The following GLS variants were observed in gnomAD, a reference collection of about 807,000 sequenced individuals.
The protein encoded by GLS is glutaminase kidney isoform, mitochondrial.
In GLS, 36 loss-of-function variants were observed where a neutral mutation model predicts 86.7. The observed-to-expected ratio is 0.42, with a 90% confidence interval of 0.32 to 0.55. The LOEUF is 0.55. Ranked by LOEUF, GLS falls within the 20% of genes least tolerant of loss-of-function variation. The probability of loss-of-function intolerance (pLI) is 0.17; values close to 1 mark genes in which losing one functional copy is unlikely to be tolerated. For synonymous variants in GLS, 317 were observed against 305.9 expected (o/e 1.04, Z -0.38); for missense variants, 528 against 833.4 (o/e 0.63, Z 4.51).
intron 5 of GLS, among the ~76,000 whole-genome samples, chr2:190,904,521 C>G (rs529950673): frequency 3.3e-5 from 5 of 152,150 alleles, no homozygotes; most frequent in Admixed American, 3.3e-4. Context: ...AATTCTGTAT[C>G]CATGGGGTCT....
chr2:190,880,914 AG>A lies in GLS; in HGVS notation c.-170del, dbSNP rs1559309604. ...CAGCAGCAGCAGCAGCAGCAGCAGC[AG>A]CAGCACCCGCATCCGCTGCGGGAGT... is the stretch of plus-strand genomic sequence containing the variant. On this transcript the variant is annotated 5_prime_UTR_variant, in exon 1 of 18. Coordinates refer to ENST00000320717, the MANE Select transcript of GLS (RefSeq NM_014905.5). 70 of 938,184 alleles carry A rather than the reference AG, an allele frequency of 7.5e-5. 1 individual carries two copies. In the South Asian group the frequency reaches 8.0e-4, roughly 11 times the overall value. The allele number at this position is 938,184 out of a possible 1,614,324, so 58.1% of individuals were successfully genotyped here.
In GLS at chr2:190,895,237, A is replaced by G; in HGVS notation, c.472A>G (p.Lys158Glu). The change falls in exon 2 of 18, where the codon AAA becomes GAA. Residue 158 changes from lysine (K) to glutamate (E), a missense_variant. Coordinates refer to ENST00000320717, the MANE Select transcript of GLS (RefSeq NM_014905.5). The surrounding 1 kb of genome is among the most constrained non-coding windows in gnomAD (Gnocchi z 4.2). ...AGGACAAGAGAAAATACCTGTTCAT[A>G]AATTTATTACAGTAAGTTTTTATAT... Reference protein sequence around the residue: ...AEGQEKIPVHKFITALKSTGL... With the variant: ...AEGQEKIPVHEFITALKSTGL... The G allele has an allele frequency of 7.5e-7, 1 of 1,336,366 alleles. No individual in the cohort carries two copies. Among genetic ancestry groups the G allele is most frequent in the Non-Finnish European group, 1.1e-6 (1 of 933,074 alleles). 82.8% of individuals were successfully genotyped at this position (1,336,366 alleles called of 1,614,324 possible).
intron 5 of GLS, among the ~76,000 whole-genome samples, chr2:190,904,772 G>A (rs1373536853): frequency 2.6e-5 from 4 of 152,076 alleles, no homozygotes; most frequent in Admixed American, 2.6e-4. Flanking sequence ...TGTATATAAG[G>A]GACTTGAGTG....
intron 14 of GLS, chr2:190,934,870 G>C: frequency 1.0e-6 from 1 of 980,032 alleles, no homozygotes; most frequent in Non-Finnish European, 1.2e-6. Flanking sequence ...AACGGAAGAA[G>C]AGATAAGATA....
chr2:190,927,146 G>A (rs963731222), intron 11 of GLS, 160 bp from the exon 12 acceptor site: 105 of 615,404 alleles, frequency 1.7e-4, no homozygotes, highest in Admixed American at 2.2e-4. Context: ...TAGGACTTCG[G>A]TCAACTAAAA....
chr2:190,895,512 T>G lies in GLS; in HGVS notation c.484-92T>G. 1.1e-6 allele frequency: 1 copy of G among 898,500 alleles called. No homozygotes were observed. The highest frequency in any genetic ancestry group is 1.7e-6 in the Non-Finnish European group (1 of 599,074). 55.7% of individuals were successfully genotyped at this position (898,500 alleles called of 1,614,324 possible). ...TTCATGTTCAAGTGTTGGGTAGAAG[T>G]TTTTATATACAGGAATAAAATCTTA... On this transcript the variant is annotated intron_variant, in intron 2 of 17. Coordinates refer to ENST00000320717, the MANE Select transcript of GLS (RefSeq NM_014905.5). This position sits in a 1 kb window ranked among gnomAD's most constrained non-coding sequence, Gnocchi z 4.2.
At position 190,881,036 on chromosome 2, in the gene GLS, C is replaced by T. The variant is rs1688135152; in HGVS notation, c.-49C>T. On this transcript the variant is annotated 5_prime_UTR_variant, in exon 1 of 18. In the 5' UTR this introduces an upstream ATG that the reference lacks. Transcript: ENST00000320717. ...GTTCCCCGAGGAAACCGGCCGCCCACGCCCGGAGCATCCTCCCCTGTTGAG... is the reference window on the plus strand; with the variant it reads ...GTTCCCCGAGGAAACCGGCCGCCCATGCCCGGAGCATCCTCCCCTGTTGAG... 8.5e-6 allele frequency: 13 copies of T among 1,522,538 alleles called. No individual in the cohort carries two copies. The highest frequency in any genetic ancestry group is 1.4e-5 in the African/African-American group (1 of 72,614). The allele number at this position is 1,522,538 out of a possible 1,614,324, so 94.3% of individuals were successfully genotyped here.
chr2:190,895,357 T>C lies in GLS; in HGVS notation c.483+109T>C, dbSNP rs1167819096. ...GGTCGTCTGACATGTAGATTCTGACTGACAATATTTCTCTTATTATGTTTT... is the reference window on the plus strand; with the variant it reads ...GGTCGTCTGACATGTAGATTCTGACCGACAATATTTCTCTTATTATGTTTT... On this transcript the variant is annotated intron_variant, in intron 2 of 17. Transcript: ENST00000320717. This position sits in a 1 kb window ranked among gnomAD's most constrained non-coding sequence, Gnocchi z 4.2. 4 of 552,914 alleles carry C rather than the reference T, an allele frequency of 7.2e-6. No individual in the cohort carries two copies. Among genetic ancestry groups the C allele is most frequent in the Admixed American group, 6.4e-5 (2 of 31,034 alleles). 34.3% of individuals were successfully genotyped at this position (552,914 alleles called of 1,614,324 possible). A position where few individuals can be genotyped will look rare whatever the true frequency, so the allele number is the denominator to read the frequency against.
chr2:190,922,167 A>AAT (rs1245444765), intron 9 of GLS, among the ~76,000 whole-genome samples: 2 of 152,140 alleles, frequency 1.3e-5, no homozygotes, highest in African/African-American at 4.8e-5. Context: ...AGCCATAGAC[A>AAT]ATATGAGGGT....
chr2:190,932,715 G>T, intron 14 of GLS: 3 of 1,584,638 alleles, frequency 1.9e-6, no homozygotes, highest in Non-Finnish European at 1.7e-6. Context: ...TGAACAACTA[G>T]CATTCCTTTG....
chr2:190,881,618 A>G (rs1574551196), intron 1 of GLS, 148 bp downstream of exon 1: 13 of 750,358 alleles, frequency 1.7e-5, no homozygotes, highest in Admixed American at 3.4e-5. Flanking sequence ...CGTCTGCGCC[A>G]TGTGATTAGG....
chr2:190,954,487 C>A lies in GLS; in HGVS notation c.1713-97C>A. On this transcript the variant is annotated intron_variant, in intron 15 of 17. Coordinates refer to ENST00000320717, the MANE Select transcript of GLS (RefSeq NM_014905.5). The surrounding 1 kb of genome is among the most constrained non-coding windows in gnomAD (Gnocchi z 4.0). ...TTAATGAGCTTGATGAAGGATGGCACCTGACAGGGCCTTAAATGAACTGAT... is the reference window on the plus strand; with the variant it reads ...TTAATGAGCTTGATGAAGGATGGCAACTGACAGGGCCTTAAATGAACTGAT... 1.3e-6 allele frequency: 1 copy of A among 756,950 alleles called. No homozygotes were observed. Among genetic ancestry groups the A allele is most frequent in the Non-Finnish European group, 2.2e-6 (1 of 454,218 alleles). 46.9% of individuals were successfully genotyped at this position (756,950 alleles called of 1,614,324 possible).
rs1689435226 is a variant in GLS at position 190,913,827 on chromosome 2, G to T, written c.1038+3506G>T. On this transcript the variant is annotated intron_variant, in intron 7 of 17. Transcript: ENST00000320717. The surrounding 1 kb of genome is among the most constrained non-coding windows in gnomAD (Gnocchi z 6.1). ...TTGTTTTTTGTTTTTTAGAGACAAG[G>T]TCTCTCTCTGTTGCCCAGTCTAAGT... The T allele has an allele frequency of 8.8e-6, 6 of 679,296 alleles. No individual in the cohort carries two copies. In the South Asian group the frequency reaches 2.7e-4, roughly 30 times the overall value. The allele number at this position is 679,296 out of a possible 1,614,324, so 42.1% of individuals were successfully genotyped here. A position where few individuals can be genotyped will look rare whatever the true frequency, so the allele number is the denominator to read the frequency against.
At chr2:190,891,962 A>G (rs1465196566) in intron 1 of GLS, among the ~76,000 whole-genome samples, 5 of 152,020 alleles carry the variant, frequency 3.3e-5, no homozygotes, top group African/African-American at 7.2e-5. Context: ...CCCATCTTTC[A>G]GGTTTAGCTC....
At chr2:190,959,622 T>C (rs919389115) in intron 17 of GLS, among the ~76,000 whole-genome samples, 1 of 152,192 alleles carries the variant, frequency 6.6e-6, no homozygotes, top group African/African-American at 2.4e-5. Flanking sequence ...GCATAAACTT[T>C]AAGATGATAA....
At chr2:190,927,144 C>A in intron 11 of GLS, 162 bp from the exon 12 acceptor site, 1 of 593,368 alleles carries the variant, frequency 1.7e-6, no homozygotes. Context: ...GGTAGGACTT[C>A]GGTCAACTAA....
In GLS at chr2:190,924,002, C is replaced by T; in HGVS notation, c.1197+19C>T. 1 of 1,175,584 alleles carries T rather than the reference C, an allele frequency of 8.5e-7. No individual in the cohort carries two copies. Among genetic ancestry groups the T allele is most frequent in the Non-Finnish European group, 1.3e-6 (1 of 799,320 alleles). 72.8% of individuals were successfully genotyped at this position (1,175,584 alleles called of 1,614,324 possible). On this transcript the variant is annotated intron_variant, in intron 10 of 17. Coordinates refer to ENST00000320717, the MANE Select transcript of GLS (RefSeq NM_014905.5). The surrounding 1 kb of genome is among the most constrained non-coding windows in gnomAD (Gnocchi z 5.2). ...AAAGAAGGTTTTTAAATTTTTGTTT[C>T]TATTTCAAATTATTCTTTCATTTAA...
At chr2:190,885,426 A>T (rs546463888) in intron 1 of GLS, among the ~76,000 whole-genome samples, 12 of 152,226 alleles carry the variant, frequency 7.9e-5, no homozygotes, top group African/African-American at 2.9e-4. Context: ...CTGACCTCAG[A>T]TGATCTGCCC....
chr2:190,937,398 A>G (rs972034669), intron 14 of GLS, among the ~76,000 whole-genome samples: 7 of 151,426 alleles, frequency 4.6e-5, no homozygotes, highest in Non-Finnish European at 8.9e-5. Context: ...TTAGAAAACT[A>G]CTCTAAGAGG....
Sources: allele counts gnomAD v4.1 joint callset (sites outside exome capture counted in the v4.1 genomes callset), GRCh38; gene constraint gnomAD v4.1.1; non-coding constraint Gnocchi (gnomAD v3.1); transcripts MANE v1.5; gene names NCBI Gene and HGNC (gene_info 2026-07-23, HGNC 2026-07-21).